The following GPR158 variants were observed in gnomAD, a reference collection of about 807,000 sequenced individuals.
GPR158 encodes metabotropic glycine receptor.
In GPR158, 30 loss-of-function variants were observed where a neutral mutation model predicts 78.2. The ratio of observed to expected loss-of-function variants is 0.38; its 90% CI spans 0.29 to 0.52. GPR158 has a LOEUF of 0.52. Among genes scored for constraint, GPR158 ranks in the 20% least tolerant of loss-of-function variants. The probability of loss-of-function intolerance (pLI) is 0.83; values close to 1 mark genes in which losing one functional copy is unlikely to be tolerated. For synonymous variants in GPR158, 581 were observed against 591.1 expected, an observed-to-expected ratio of 0.98 and a Z score of 0.25; for missense variants, 1,463 against 1,523.5, an observed-to-expected ratio of 0.96 and a Z score of 0.66.
At chr10:25,422,856 C>CA (rs1554802458) in intron 4 of GPR158, among the ~76,000 whole-genome samples, 20 of 147,392 alleles carry the variant, frequency 1.4e-4, no homozygotes, top group African/African-American at 5.1e-4. Context: ...CCTTACCCCC[C>CA]CCACACTTTC....
intron 2 of GPR158, among the ~76,000 whole-genome samples, chr10:25,324,865 G>A (rs1855007648): frequency 7.1e-6 from 1 of 140,528 alleles, no homozygotes; most frequent in Non-Finnish European, 1.5e-5. Flanking sequence ...TTGAGACAAG[G>A]TGTTGCTCTG....
chr10:25,494,113 A>G (rs1004032655), intron 5 of GPR158, among the ~76,000 whole-genome samples: 6 of 152,174 alleles, frequency 3.9e-5, no homozygotes, highest in African/African-American at 1.4e-4. Flanking sequence ...GCATTTCTCA[A>G]TAGTCCTGGT....
At chr10:25,466,377 T>C in intron 4 of GPR158, 1 of 332,214 alleles carries the variant, frequency 3.0e-6, no homozygotes, top group South Asian at 6.9e-5. Flanking sequence ...AAGATAGTGT[T>C]CTTAGCTGCT....
intron 3 of GPR158, among the ~76,000 whole-genome samples, chr10:25,402,429 C>G (rs1371516175): frequency 6.6e-6 from 1 of 151,926 alleles, no homozygotes; most frequent in Admixed American, 6.6e-5. Flanking sequence ...TGAATATGGG[C>G]TATGTATTAG....
chr10:25,360,828 A>G (rs1197327715), intron 2 of GPR158, among the ~76,000 whole-genome samples: 1 of 152,058 alleles, frequency 6.6e-6, no homozygotes, highest in Non-Finnish European at 1.5e-5. Context: ...TAGGGATAGC[A>G]TTGTATCTAT....
At chr10:25,341,509 GA>G (rs1163557677) in intron 2 of GPR158, among the ~76,000 whole-genome samples, 1 of 151,740 alleles carries the variant, frequency 6.6e-6, no homozygotes, top group African/African-American at 2.4e-5. Context: ...TAAGAAAAAT[GA>G]AATAATAAAT....
At chr10:25,298,482 GC>G (rs1854547056) in intron 2 of GPR158, among the ~76,000 whole-genome samples, 1 of 152,100 alleles carries the variant, frequency 6.6e-6, no homozygotes, top group African/African-American at 2.4e-5. Flanking sequence ...AAATATTAAT[GC>G]ATATTTTAAA....
intron 4 of GPR158, among the ~76,000 whole-genome samples, chr10:25,461,079 A>G (rs879700039): frequency 6.6e-6 from 1 of 152,154 alleles, no homozygotes; most frequent in Admixed American, 6.5e-5. Flanking sequence ...CCCTCTCCTC[A>G]GCCCTCCTTA....
rs1484057574 is a variant in GPR158 at position 25,598,361 on chromosome 10, A to G, written c.2735A>G (p.Lys912Arg). The G allele has an allele frequency of 2.5e-6, 4 of 1,614,050 alleles. No homozygotes were observed. In the Admixed American group the frequency reaches 5.0e-5, roughly 20 times the overall value. Residue 912 changes from lysine to arginine, a missense_variant, in exon 11 of 11, where the codon AAG becomes AGG. Transcript: ENST00000376351. ...SLSVIASAKEKTLGLAGKTQT... is the reference protein window; with the variant it reads ...SLSVIASAKERTLGLAGKTQT... ...AGTGTCATAGCAAGCGCCAAGGAGAAGACTCTTGGATTAGCTGGGAAAACC... is the reference window on the plus strand; with the variant it reads ...AGTGTCATAGCAAGCGCCAAGGAGAGGACTCTTGGATTAGCTGGGAAAACC...
chr10:25,219,845 CAGTACTATAT>C (rs1381622792), intron 1 of GPR158, among the ~76,000 whole-genome samples: 1 of 152,160 alleles, frequency 6.6e-6, no homozygotes, highest in Non-Finnish European at 1.5e-5. Context: ...AACTAGCAGT[CAGTACTATAT>C]TCCTGTTTTG....
In GPR158 at chr10:25,338,383, C is replaced by A. The variant is rs1855240812; in HGVS notation, c.1009-57528C>A. Among the ~76,000 whole-genome samples, 4 of 137,214 alleles carry A rather than the reference C, an allele frequency of 2.9e-5. No individual in the cohort carries two copies. In the South Asian group the frequency reaches 6.6e-4, roughly 23 times the overall value. 90.0% of individuals were successfully genotyped at this position (137,214 alleles called of 152,430 possible). Reference sequence around the variant, plus strand: ...AAATCTGATGACTATATCTATATATCTCTCTCTATATATATTATTATATAT... The same window carrying A: ...AAATCTGATGACTATATCTATATATATCTCTCTATATATATTATTATATAT... On this transcript the variant is annotated intron_variant, in intron 2 of 10. Coordinates refer to ENST00000376351, the MANE Select transcript of GPR158 (RefSeq NM_020752.3).
At chr10:25,569,340 A>AAACTT (rs1297905026) in intron 6 of GPR158, among the ~76,000 whole-genome samples, 1 of 152,234 alleles carries the variant, frequency 6.6e-6, no homozygotes, top group Non-Finnish European at 1.5e-5. Flanking sequence ...GCAAAAGAAA[A>AAACTT]AACTTAACTG....
chr10:25,447,219 A>T (rs1328634026), intron 4 of GPR158, among the ~76,000 whole-genome samples: 1 of 152,186 alleles, frequency 6.6e-6, no homozygotes, highest in Admixed American at 6.5e-5. Flanking sequence ...ATGAGTACAC[A>T]TATATATTTT....
At chr10:25,260,637 G>A (rs542284410) in intron 2 of GPR158, among the ~76,000 whole-genome samples, 2 of 151,790 alleles carry the variant, frequency 1.3e-5, no homozygotes, top group East Asian at 1.9e-4. Context: ...TATGTTCTTA[G>A]GATGTCACCC....
chr10:25,515,447 C>T (rs1413343224), intron 5 of GPR158, among the ~76,000 whole-genome samples: 1 of 148,908 alleles, frequency 6.7e-6, no homozygotes, highest in Non-Finnish European at 1.5e-5. Flanking sequence ...TATACATGTG[C>T]CATGCTGGTG....
At chr10:25,427,849 ATG>A (rs1834845862) in intron 4 of GPR158, among the ~76,000 whole-genome samples, 1 of 152,056 alleles carries the variant, frequency 6.6e-6, no homozygotes, top group South Asian at 2.1e-4. Context: ...ACTTTTATAT[ATG>A]TGTTTCCATT....
intron 1 of GPR158, among the ~76,000 whole-genome samples, chr10:25,191,120 G>A (rs1852766217): frequency 6.6e-6 from 1 of 152,146 alleles, no homozygotes; most frequent in Non-Finnish European, 1.5e-5. Context: ...ATGAAAAAGA[G>A]GCAAATAACA....
chr10:25,249,120 G>C (rs1372457112), intron 2 of GPR158, among the ~76,000 whole-genome samples: 2 of 151,556 alleles, frequency 1.3e-5, no homozygotes, highest in South Asian at 4.2e-4. Flanking sequence ...TCTGTCTGTT[G>C]TTGGTGTATA....
intron 2 of GPR158, among the ~76,000 whole-genome samples, chr10:25,341,392 G>A (rs1465199633): frequency 6.6e-6 from 1 of 151,910 alleles, no homozygotes; most frequent in African/African-American, 2.4e-5. Flanking sequence ...GCATTATCTG[G>A]GAAGAGAATT....
Sources: gnomAD v4.1 joint callset for allele counts (sites outside exome capture counted in the v4.1 genomes callset) on GRCh38, gnomAD v4.1.1 for gene constraint, MANE v1.5 for transcripts, NCBI Gene and HGNC (gene_info 2026-07-23, HGNC 2026-07-21) for gene names.